Variants in GRM8 observed in about 807,000 individuals in gnomAD.
The protein encoded by GRM8 is metabotropic glutamate receptor 8.
Under a neutral mutation model 87.2 loss-of-function variants are expected in GRM8, and 47 were observed. The observed-to-expected ratio is 0.54, with a 90% confidence interval of 0.43 to 0.69. The LOEUF (loss-of-function observed/expected upper bound fraction) is 0.69, where lower values mean the gene tolerates loss of function less well. Among genes scored for constraint, GRM8 ranks in the 30% least tolerant of loss-of-function variants. The probability of loss-of-function intolerance (pLI) is 0.00; values close to 1 mark genes in which losing one functional copy is unlikely to be tolerated. For synonymous variants in GRM8, 396 were observed against 404.5 expected (o/e 0.98, Z 0.25); for missense variants, 1,019 against 1,139.2 (o/e 0.89, Z 1.52).
chr7:127,015,306 A>AAAGAG (rs1815553024), intron 3 of GRM8, among the ~76,000 whole-genome samples: 1 of 152,008 alleles, frequency 6.6e-6, no homozygotes, highest in Non-Finnish European at 1.5e-5. Flanking sequence ...ACCAAAGAAG[A>AAAGAG]AAGAGGAAGA....
intron 9 of GRM8, among the ~76,000 whole-genome samples, chr7:126,504,280 T>A (rs1810095593): frequency 6.6e-6 from 1 of 152,076 alleles, no homozygotes; most frequent in Non-Finnish European, 1.5e-5. Flanking sequence ...ATACAGCCCC[T>A]TATTAAATGT....
intron 3 of GRM8, among the ~76,000 whole-genome samples, chr7:126,911,730 C>T (rs1294891404): frequency 1.3e-5 from 2 of 152,168 alleles, no homozygotes; most frequent in Non-Finnish European, 2.9e-5. Flanking sequence ...AGGCTGCTGA[C>T]ACCACAAGAA....
chr7:127,229,182 T>C (rs1055895196), intron 2 of GRM8: 5 of 152,210 alleles, frequency 3.3e-5, no homozygotes, highest in African/African-American at 1.2e-4. Flanking sequence ...AATATAAGTC[T>C]TAATTAAAAT....
chr7:126,924,163 G>GT (rs765372637), intron 3 of GRM8, among the ~76,000 whole-genome samples: 11 of 152,128 alleles, frequency 7.2e-5, no homozygotes, highest in Non-Finnish European at 1.5e-4. Flanking sequence ...GCAATAGGGG[G>GT]AATGGTCTCA....
intron 2 of GRM8, among the ~76,000 whole-genome samples, chr7:127,201,838 T>G (rs988558620): frequency 6.6e-6 from 1 of 152,184 alleles, no homozygotes; most frequent in Non-Finnish European, 1.5e-5. Flanking sequence ...AAAGAAGTTA[T>G]CATAACCTTA....
chr7:126,989,919 C>A (rs2299522), intron 3 of GRM8, among the ~76,000 whole-genome samples: 15,476 of 151,932 alleles, frequency 0.1, 955 homozygotes, highest in East Asian at 0.21. Flanking sequence ...CCACTGCACT[C>A]CAGCCTGGGT....
chr7:126,845,437 C>CT (rs556751070), intron 6 of GRM8, among the ~76,000 whole-genome samples: 7 of 152,030 alleles, frequency 4.6e-5, no homozygotes, highest in South Asian at 4.2e-4. Context: ...TAGTCTTATC[C>CT]TTTTTTTTAT....
chr7:126,869,741 T>A (rs1443207023), intron 6 of GRM8: 3 of 152,156 alleles, frequency 2.0e-5, no homozygotes, highest in Non-Finnish European at 4.4e-5. Context: ...TGTGCTGTCA[T>A]CTGGCTTTGT....
At chr7:126,545,465 C>A (rs1817042363) in intron 8 of GRM8, among the ~76,000 whole-genome samples, 1 of 151,898 alleles carries the variant, frequency 6.6e-6, no homozygotes, top group Admixed American at 6.6e-5. Context: ...TTATAGATGG[C>A]CAAATTTAGA....
chr7:126,822,252 C>T (rs1244503174), intron 6 of GRM8, among the ~76,000 whole-genome samples: 1 of 152,150 alleles, frequency 6.6e-6, no homozygotes, highest in Non-Finnish European at 1.5e-5. Context: ...TGGTTAAGGA[C>T]ACCAAGAACT....
At chr7:126,741,681 C>T (rs373797679) in intron 7 of GRM8, among the ~76,000 whole-genome samples, 27 of 152,124 alleles carry the variant, frequency 1.8e-4, no homozygotes, top group East Asian at 5.8e-4. Context: ...TTGTTATTTA[C>T]GATAGTATAA....
At chr7:127,130,255 G>A (rs374236990) in intron 2 of GRM8, among the ~76,000 whole-genome samples, 13 of 151,826 alleles carry the variant, frequency 8.6e-5, no homozygotes, top group South Asian at 2.1e-4. Context: ...AGACTAATAC[G>A]GATAATTGGT....
At chr7:126,561,444 G>A (rs1192698836) in intron 8 of GRM8, among the ~76,000 whole-genome samples, 2 of 151,762 alleles carry the variant, frequency 1.3e-5, no homozygotes, top group African/African-American at 2.4e-5. Context: ...ACTCCAGCCT[G>A]GGCAACAGAG....
intron 3 of GRM8, among the ~76,000 whole-genome samples, chr7:126,934,260 T>A (rs1484545767): frequency 6.6e-6 from 1 of 151,974 alleles, no homozygotes; most frequent in Non-Finnish European, 1.5e-5. Flanking sequence ...CAACTGAGAG[T>A]CTTTCAGCCA....
At chr7:126,591,001 T>C (rs887181952) in intron 8 of GRM8, among the ~76,000 whole-genome samples, 16 of 151,732 alleles carry the variant, frequency 1.1e-4, no homozygotes, top group African/African-American at 3.9e-4. Context: ...AGGCAACAAA[T>C]AGCACAATGA....
intron 7 of GRM8, among the ~76,000 whole-genome samples, chr7:126,739,406 G>GCACACA (rs3222171): frequency 2.0e-5 from 3 of 148,796 alleles, no homozygotes; most frequent in South Asian, 4.2e-4. Flanking sequence ...AATTGTGTTT[G>GCACACA]CACACACACA....
intron 2 of GRM8, among the ~76,000 whole-genome samples, chr7:127,206,343 G>C (rs1022296644): frequency 2.0e-5 from 3 of 152,080 alleles, no homozygotes; most frequent in Non-Finnish European, 4.4e-5. Context: ...CATTTAACCT[G>C]GGTTTTCCTA....
chr7:126,488,307 A>G (rs1409909098), intron 9 of GRM8, among the ~76,000 whole-genome samples: 1 of 152,006 alleles, frequency 6.6e-6, no homozygotes, highest in Non-Finnish European at 1.5e-5. Flanking sequence ...CCAGCAGTGT[A>G]GATGTCAACT....
At chr7:126,623,109 A>T (rs567234160) in intron 7 of GRM8, among the ~76,000 whole-genome samples, 7 of 149,190 alleles carry the variant, frequency 4.7e-5, no homozygotes, top group East Asian at 4.0e-4. Context: ...AGCAACACAC[A>T]GGACTAAATC....
Sources: allele counts gnomAD v4.1 joint callset (sites outside exome capture counted in the v4.1 genomes callset), GRCh38; gene constraint gnomAD v4.1.1; transcripts MANE v1.5; gene names NCBI Gene and HGNC (gene_info 2026-07-23, HGNC 2026-07-21).